CDH4: variants seen among roughly 807,000 people sequenced by gnomAD.
CDH4 encodes the protein cadherin-4.
In CDH4, 33 loss-of-function variants were observed where a neutral mutation model predicts 86.0. That is an observed-to-expected ratio of 0.38 (90% confidence interval 0.29 to 0.51). The LOEUF (loss-of-function observed/expected upper bound fraction) is 0.51. Ranked by LOEUF, CDH4 falls within the 20% of genes least tolerant of loss-of-function variation. The pLI is 0.86. For synonymous variants in CDH4, 555 were observed against 549.4 expected, an observed-to-expected ratio of 1.01 and a Z score of -0.14; for missense variants, 1,114 against 1,307.4, an observed-to-expected ratio of 0.85 and a Z score of 2.28.
At chr20:61,280,104 G>A (rs1361964556) in intron 2 of CDH4, among the ~76,000 whole-genome samples, 1 of 152,148 alleles carries the variant, frequency 6.6e-6, no homozygotes, top group Non-Finnish European at 1.5e-5. Context: ...ACCCTGGGCT[G>A]TGAGTCTGCG....
At chr20:61,884,444 TGGACG>T (rs1984441591) in intron 7 of CDH4, among the ~76,000 whole-genome samples, 10 of 151,964 alleles carry the variant, frequency 6.6e-5, no homozygotes, top group Admixed American at 6.6e-4. Context: ...ACAGTGGCAG[TGGACG>T]GTCCACGAGT....
intron 7 of CDH4, among the ~76,000 whole-genome samples, chr20:61,883,889 G>A (rs1250586955): frequency 5.9e-5 from 9 of 152,202 alleles, no homozygotes; most frequent in Non-Finnish European, 5.9e-5. Context: ...CAGAGAAACA[G>A]ACGGACAGAC....
chr20:61,584,319 G>A (rs1028680330), intron 2 of CDH4, among the ~76,000 whole-genome samples: 3 of 152,126 alleles, frequency 2.0e-5, no homozygotes, highest in Admixed American at 2.0e-4. Context: ...AGACAGCATC[G>A]TCGACCCCTG....
intron 3 of CDH4, among the ~76,000 whole-genome samples, chr20:61,752,629 T>C (rs1204850504): frequency 6.6e-6 from 1 of 152,214 alleles, no homozygotes; most frequent in African/African-American, 2.4e-5. Context: ...ACACATGCCC[T>C]CACCATTGCA....
chr20:61,288,901 A>G (rs1033307358), intron 2 of CDH4, among the ~76,000 whole-genome samples: 3 of 152,232 alleles, frequency 2.0e-5, no homozygotes, highest in Admixed American at 6.5e-5. Context: ...GGCGGAAGTC[A>G]TAGGCTTTCG....
At chr20:61,745,829 C>T (rs189219441) in intron 3 of CDH4, among the ~76,000 whole-genome samples, 3 of 152,196 alleles carry the variant, frequency 2.0e-5, no homozygotes, top group Non-Finnish European at 4.4e-5. Context: ...CCCTGAGAGC[C>T]TTCCAAGGCC....
chr20:61,578,253 G>T (rs766897881), intron 2 of CDH4, among the ~76,000 whole-genome samples: 2 of 152,172 alleles, frequency 1.3e-5, no homozygotes, highest in Non-Finnish European at 2.9e-5. Context: ...GAATGTGTTG[G>T]GCACCAGGGA....
rs182698216 is a variant in CDH4 at position 61,676,316 on chromosome 20, G to A, written c.170-67247G>A. Among the ~76,000 whole-genome samples the A allele has an allele frequency of 3.7e-4, 57 of 152,290 alleles. No homozygotes were observed. The highest frequency in any genetic ancestry group is 6.6e-4 in the Non-Finnish European group (45 of 68,038). On this transcript the variant is annotated intron_variant, in intron 2 of 15. Transcript: ENST00000614565. The surrounding 1 kb of genome is among the most constrained non-coding windows in gnomAD (Gnocchi z 4.5). The stretch of plus-strand genomic sequence containing the variant: ...ACTCAGGTTAGGAAATGAATAGTGC[G>A]ATTGAATACTGCGGCCCCCAGAGGA...
chr20:61,910,700 A>G, intron 9 of CDH4, 93 bp downstream of exon 9: 1 of 1,177,374 alleles, frequency 8.5e-7, no homozygotes, highest in Non-Finnish European at 1.2e-6. Flanking sequence ...ACTCGGTGTA[A>G]AGTTACTGCC....
chr20:61,673,885 T>G (rs576458836), intron 2 of CDH4, among the ~76,000 whole-genome samples: 5 of 152,346 alleles, frequency 3.3e-5, no homozygotes, highest in African/African-American at 9.6e-5. Context: ...GAAAATGTCC[T>G]TCAGGAAATC....
intron 2 of CDH4, among the ~76,000 whole-genome samples, chr20:61,565,990 G>T (rs2086294737): frequency 6.6e-6 from 1 of 152,168 alleles, no homozygotes; most frequent in Non-Finnish European, 1.5e-5. Flanking sequence ...TGTCCCCGTT[G>T]CCCATCAAGT....
chr20:61,590,108 C>G (rs2086507299), intron 2 of CDH4, among the ~76,000 whole-genome samples: 1 of 145,292 alleles, frequency 6.9e-6, no homozygotes, highest in Non-Finnish European at 1.5e-5. Context: ...CAACAGGAAG[C>G]ACAGGAGCTT....
intron 6 of CDH4, among the ~76,000 whole-genome samples, chr20:61,856,744 AG>A (rs1419117336): frequency 6.6e-6 from 1 of 152,108 alleles, no homozygotes; most frequent in Non-Finnish European, 1.5e-5. Flanking sequence ...CTGGGCTCAG[AG>A]GGTGTGGCAG....
intron 4 of CDH4, among the ~76,000 whole-genome samples, chr20:61,800,232 C>A (rs1418689858): frequency 6.6e-6 from 1 of 152,244 alleles, no homozygotes; most frequent in African/African-American, 2.4e-5. Flanking sequence ...CCAGACCGCA[C>A]TCCCTCGAGT....
intron 2 of CDH4, among the ~76,000 whole-genome samples, chr20:61,419,983 T>A (rs960921563): frequency 2.6e-5 from 4 of 152,348 alleles, no homozygotes; most frequent in South Asian, 2.1e-4. Flanking sequence ...AATGCACTAT[T>A]TGCAAAGCCT....
chr20:61,915,734 G>A (rs2122945218), intron 9 of CDH4, among the ~76,000 whole-genome samples: 1 of 152,348 alleles, frequency 6.6e-6, no homozygotes, highest in South Asian at 2.1e-4. Flanking sequence ...CTTTGCTGGT[G>A]GGTGGAGAGG....
chr20:61,835,881 C>T (rs892508628), intron 4 of CDH4, among the ~76,000 whole-genome samples: 2 of 152,202 alleles, frequency 1.3e-5, no homozygotes, highest in Admixed American at 6.5e-5. Context: ...TAAGGGCTCC[C>T]CAGACAGCAC....
chr20:61,922,349 C>T (rs771555837), intron 9 of CDH4, among the ~76,000 whole-genome samples: 12 of 152,086 alleles, frequency 7.9e-5, no homozygotes, highest in Non-Finnish European at 1.3e-4. Flanking sequence ...AAGGCTTGAG[C>T]GAAGCTTTTC....
rs979630970 is a variant in CDH4, at chr20:61,676,527, ACTC to A, written c.170-67033_170-67031del. ...GGACAGACAAAAGGGAGGTGAGAAAACTCCTTGTCTGCAGGGATGGGTCTGCTT... is the reference window on the plus strand; with the variant it reads ...GGACAGACAAAAGGGAGGTGAGAAAACTTGTCTGCAGGGATGGGTCTGCTT... On this transcript the variant is annotated intron_variant, in intron 2 of 15. Transcript: ENST00000614565. This position sits in a 1 kb window ranked among gnomAD's most constrained non-coding sequence, Gnocchi z 4.5. 2.0e-5 allele frequency among the ~76,000 whole-genome samples: 3 copies of A among 150,780 alleles called. No homozygotes were observed. Among genetic ancestry groups the A allele is most frequent in the Non-Finnish European group, 4.4e-5 (3 of 67,702 alleles).
Sources: allele counts gnomAD v4.1 joint callset (sites outside exome capture counted in the v4.1 genomes callset), GRCh38; gene constraint gnomAD v4.1.1; non-coding constraint Gnocchi (gnomAD v3.1); transcripts MANE v1.5; gene names NCBI Gene and HGNC (gene_info 2026-07-23, HGNC 2026-07-21).